ARID1A: variants seen among roughly 807,000 people sequenced by gnomAD.
ARID1A encodes AT-rich interactive domain-containing protein 1A.
A neutral mutation model predicts 212.6 loss-of-function variants in ARID1A; 20 were observed. The ratio of observed to expected loss-of-function variants is 0.09; its 90% CI spans 0.07 to 0.14. The LOEUF (loss-of-function observed/expected upper bound fraction) is 0.14, where lower values mean the gene tolerates loss of function less well. ARID1A is among the 10% of genes least tolerant of loss of function. The pLI is 1.00. For synonymous variants in ARID1A, 1,376 were observed against 1,222.1 expected (o/e 1.13, Z -2.63); for missense variants, 2,587 against 3,059.0 (o/e 0.85, Z 3.64).
At chr1:26,767,374 C>A (rs930577601) in intron 10 of ARID1A, among the ~76,000 whole-genome samples, 13 of 152,136 alleles carry the variant, frequency 8.5e-5, no homozygotes, top group African/African-American at 2.4e-4. Flanking sequence ...AAACATAGTA[C>A]CTAAGTATGT....
rs764231245 is a variant in ARID1A at position 26,779,097 on chromosome 1, G to A, written c.5199G>A (p.Glu1733=). Reference sequence around the variant, plus strand: ...TTGAGATCTTTGGCATTTTAAAGGAGTATGAGGTGGGTGACCCAGGACAGA... The same window carrying A: ...TTGAGATCTTTGGCATTTTAAAGGAATATGAGGTGGGTGACCCAGGACAGA... ...CLIEIFGILK[E]YEVGDPGQRT... Residue 1733 remains glutamate (E), a synonymous_variant, in exon 20 of 20, where the codon GAG becomes GAA. Coordinates refer to ENST00000324856, the MANE Select transcript of ARID1A (RefSeq NM_006015.6). 13 of 1,536,854 alleles carry A rather than the reference G, an allele frequency of 8.5e-6. No individual in the cohort carries two copies. The East Asian group carries it at 2.9e-4, about 35-fold the overall frequency.
chr1:26,772,469 CA>C (rs2081090952), intron 12 of ARID1A, 30 bp from the exon 13 acceptor site: 5 of 1,613,842 alleles, frequency 3.1e-6, no homozygotes, highest in Non-Finnish European at 4.2e-6. Flanking sequence ...TCATGCCAAG[CA>C]AACTACTCAA....
intron 1 of ARID1A, chr1:26,727,930 G>A (rs539952250): frequency 6.6e-6 from 1 of 152,212 alleles, no homozygotes; most frequent in Non-Finnish European, 1.5e-5. Context: ...CCATTGCCAG[G>A]TGTATTGGGG....
chr1:26,740,267 G>C (rs565801829), intron 4 of ARID1A, among the ~76,000 whole-genome samples: 3 of 152,160 alleles, frequency 2.0e-5, no homozygotes, highest in Non-Finnish European at 2.9e-5. Context: ...CCATGATTCC[G>C]AATATGATAC....
At chr1:26,710,528 C>CACACACACACACAG (rs1553147494) in intron 1 of ARID1A, among the ~76,000 whole-genome samples, 98 of 148,198 alleles carry the variant, frequency 6.6e-4, no homozygotes, top group Non-Finnish European at 1.1e-3. Flanking sequence ...CACACACACA[C>CACACACACACACAG]CACTTGTTGT....
At chr1:26,747,360 T>C (rs1398879469) in intron 4 of ARID1A, among the ~76,000 whole-genome samples, 2 of 152,202 alleles carry the variant, frequency 1.3e-5, no homozygotes, top group African/African-American at 4.8e-5. Flanking sequence ...CCAAAGAAGC[T>C]AAGAATCCAT....
At chr1:26,747,821 G>T (rs2080851990) in intron 4 of ARID1A, among the ~76,000 whole-genome samples, 1 of 152,164 alleles carries the variant, frequency 6.6e-6, no homozygotes, top group Non-Finnish European at 1.5e-5. Context: ...CTGCACTCCA[G>T]CCTGGGTGAC....
At chr1:26,722,805 G>C (rs1483255349) in intron 1 of ARID1A, among the ~76,000 whole-genome samples, 1 of 152,094 alleles carries the variant, frequency 6.6e-6, no homozygotes, top group Non-Finnish European at 1.5e-5. Flanking sequence ...ATAATCTAAT[G>C]AGATTTTTTT....
Position 26,773,756 on chromosome 1 carries a change from C to T in ARID1A, c.4004+39C>T, listed in dbSNP as rs1488322889. On this transcript the variant is annotated intron_variant, in intron 16 of 19. Coordinates refer to ENST00000324856, the MANE Select transcript of ARID1A (RefSeq NM_006015.6). The stretch of plus-strand genomic sequence containing the variant: ...GGTCTCGGTGCTGCTATGGATCAGG[C>T]TTCGCCACTGCCCACCCTAATCCTG... 1.9e-6 allele frequency: 3 copies of T among 1,614,174 alleles called. No individual in the cohort carries two copies. The South Asian group carries it at 3.3e-5, about 18-fold the overall frequency.
chr1:26,729,749 G>T lies in ARID1A; in HGVS notation c.1236G>T (p.Gln412His), dbSNP rs200453229. The T allele has an allele frequency of 6.2e-7, 1 of 1,614,240 alleles. No homozygotes were observed. Among genetic ancestry groups the T allele is most frequent in the Admixed American group, 1.7e-5 (1 of 60,030 alleles). ...SQQQGPPSGP[Q>H]QGHGYPGQPY... is the part of the protein sequence containing the mutation. ...AACAGGGACCTCCGTCAGGACCGCA[G>T]CAAGGACATGGGTACCCAGGGCAGC... The change falls in exon 2 of 20, where the codon CAG (glutamine) becomes CAT (histidine). Residue 412 changes from glutamine to histidine, a missense_variant. Around this residue, in one of 11 missense-constraint regions of ARID1A, gnomAD observed 674 missense variants for 813.4 expected, o/e 0.83. Coordinates refer to ENST00000324856, the MANE Select transcript of ARID1A (RefSeq NM_006015.6).
chr1:26,772,825 G>T lies in ARID1A; in HGVS notation c.3553G>T (p.Val1185Phe), dbSNP rs536241439. Residue 1185 changes from valine to phenylalanine, a missense_variant, in exon 14 of 20, where the codon GTT becomes TTT. By Grantham distance (50) the Val-to-Phe change is conservative. Transcript: ENST00000324856. ...CTCACTCTGGAGCAGGAGCAATTCA[G>T]TTGGGATCCAGGATGCCTTTAATGA... Reference protein sequence around the residue: ...PLPGMSRSNSVGIQDAFNDGS... With the variant: ...PLPGMSRSNSFGIQDAFNDGS... 2 of 1,613,986 alleles carry T rather than the reference G, an allele frequency of 1.2e-6. No homozygotes were observed. Among genetic ancestry groups the T allele is most frequent in the African/African-American group, 1.3e-5 (1 of 75,026 alleles).
At chr1:26,778,774 G>T (rs2124135384) in intron 19 of ARID1A, 1 of 373,998 alleles carries the variant, frequency 2.7e-6, no homozygotes, top group Non-Finnish European at 4.8e-6. Context: ...GGTGGGTGAG[G>T]TGCAAAGCTG....
Position 26,780,134 on chromosome 1 carries a change from G to A in ARID1A, c.6236G>A (p.Ser2079Asn), listed in dbSNP as rs1472524661. The stretch of plus-strand genomic sequence containing the variant: ...TTGGACCTATCTCCATACCCCGAGA[G>A]CATTTGCCTGCCTGTCCTGGACGGA... Reference protein sequence around the residue: ...GQLDLSPYPESICLPVLDGLL... With the variant: ...GQLDLSPYPENICLPVLDGLL... The change falls in exon 20 of 20, where the codon AGC becomes AAC. Residue 2079 changes from serine to asparagine, a missense_variant. Physicochemically the swap from Ser to Asn is conservative, Grantham distance 46. Coordinates refer to ENST00000324856, the MANE Select transcript of ARID1A (RefSeq NM_006015.6). The surrounding 1 kb of genome is among the most constrained non-coding windows in gnomAD (Gnocchi z 7.2). 16 of 1,614,170 alleles carry A rather than the reference G, an allele frequency of 9.9e-6. No homozygotes were observed. Among genetic ancestry groups the A allele is most frequent in the Non-Finnish European group, 1.3e-5 (15 of 1,180,036 alleles).
At chr1:26,716,158 A>G (rs1402165987) in intron 1 of ARID1A, among the ~76,000 whole-genome samples, 3 of 150,678 alleles carry the variant, frequency 2.0e-5, no homozygotes, top group Non-Finnish European at 3.0e-5. Context: ...GTGAGCCAAG[A>G]TCGCGCCACT....
At chr1:26,725,285 A>C (rs184351780) in intron 1 of ARID1A, among the ~76,000 whole-genome samples, 2 of 152,146 alleles carry the variant, frequency 1.3e-5, no homozygotes, top group African/African-American at 4.8e-5. Flanking sequence ...TTCTGGTCTG[A>C]AATTGCTACT....
rs1391936318 is a variant in ARID1A at position 26,771,963 on chromosome 1, ACTG to A, written c.3407-533_3407-531del. The A allele has an allele frequency of 1.2e-5, 2 of 162,550 alleles. No homozygotes were observed. The highest frequency in any genetic ancestry group is 5.7e-5 in the Admixed American group (1 of 17,454). The allele number at this position is 162,550 out of a possible 1,614,324, so 10.1% of individuals were successfully genotyped here. On this transcript the variant is annotated intron_variant, in intron 12 of 19. Coordinates refer to ENST00000324856, the MANE Select transcript of ARID1A (RefSeq NM_006015.6). This position sits in a 1 kb window ranked among gnomAD's most constrained non-coding sequence, Gnocchi z 5.4. ...GGGAGGCCTCAGCAGTGGGATATCT[ACTG>A]CTGGGAATGGTAACTATTGGAAACA...
chr1:26,697,876 C>T (rs2080292569), intron 1 of ARID1A, among the ~76,000 whole-genome samples: 1 of 151,734 alleles, frequency 6.6e-6, no homozygotes, highest in Non-Finnish European at 1.5e-5. Flanking sequence ...GCGCTGGGGG[C>T]TCAGGTTAGG....
chr1:26,762,416 A>C (rs1041137920), intron 7 of ARID1A, 97 bp downstream of exon 7: 4 of 1,384,910 alleles, frequency 2.9e-6, no homozygotes, highest in Non-Finnish European at 3.9e-6. Flanking sequence ...TTGTGAGAGA[A>C]GGGCTGTCCT....
At chr1:26,718,468 C>T (rs571416890) in intron 1 of ARID1A, among the ~76,000 whole-genome samples, 1 of 152,268 alleles carries the variant, frequency 6.6e-6, no homozygotes, top group Admixed American at 6.5e-5. Context: ...CAGTGGGTGC[C>T]TGAAAGTACC....
Sources: gnomAD v4.1 joint callset for allele counts (sites outside exome capture counted in the v4.1 genomes callset) on GRCh38, gnomAD v4.1.1 for gene constraint, gnomAD v4.1.1 regional missense constraint, Gnocchi (gnomAD v3.1) non-coding constraint, MANE v1.5 for transcripts, NCBI Gene and HGNC (gene_info 2026-07-23, HGNC 2026-07-21) for gene names.